The following AKAP13 variants were observed in gnomAD, a reference collection of about 807,000 sequenced individuals.
The protein encoded by AKAP13 is A-kinase anchor protein 13.
A neutral mutation model predicts 264.5 loss-of-function variants in AKAP13; 80 were observed. The observed-to-expected ratio is 0.30, with a 90% CI of 0.25 to 0.36. AKAP13 has a LOEUF of 0.36. Among genes scored for constraint, AKAP13 ranks in the 10% least tolerant of loss-of-function variants. The pLI, the probability that AKAP13 is intolerant of heterozygous loss-of-function variation, is 1.00. For missense variants in AKAP13, 3,712 were observed against 3,435.2 expected (o/e 1.08, Z -2.01); for synonymous variants, 1,380 against 1,250.2 (o/e 1.10, Z -2.19).
intron 5 of AKAP13, among the ~76,000 whole-genome samples, chr15:85,547,361 C>G (rs1056342584): frequency 8.7e-5 from 13 of 148,934 alleles, no homozygotes; most frequent in Admixed American, 1.3e-4. Flanking sequence ...GGCCCAAGTT[C>G]TTTTTGTGTT....
intron 12 of AKAP13, among the ~76,000 whole-genome samples, chr15:85,663,513 C>T (rs974976191): frequency 1.3e-5 from 2 of 152,114 alleles, no homozygotes; most frequent in African/African-American, 2.4e-5. Context: ...AAAGCAAATA[C>T]AAGTCCTGGA....
At position 85,645,972 on chromosome 15, in the gene AKAP13, CT is replaced by C; in HGVS notation, c.4374+21del. On this transcript the variant is annotated intron_variant, in intron 10 of 36. Coordinates refer to ENST00000394518, the MANE Select transcript of AKAP13 (RefSeq NM_007200.5). ...TCCCAAAGGTACTGTGTGGACCTTC[CT>C]TTCATTTTTGTCACACGGCTTTTGT... 6.3e-7 allele frequency: 1 copy of C among 1,597,392 alleles called. No homozygotes were observed. Among genetic ancestry groups the C allele is most frequent in the Non-Finnish European group, 8.5e-7 (1 of 1,175,468 alleles).
At chr15:85,422,106 A>G (rs2072551787) in intron 1 of AKAP13, among the ~76,000 whole-genome samples, 2 of 152,194 alleles carry the variant, frequency 1.3e-5, no homozygotes, top group South Asian at 4.2e-4. Flanking sequence ...ATCCAGAGTC[A>G]TTTGAATAAT....
At position 85,410,926 on chromosome 15, in the gene AKAP13, TG is replaced by T. The variant is rs562145748; in HGVS notation, c.-12+30129del. ...AAATGTTCTGTCCCCTTTAGTTCCTTGTAGTAGTAATCATGACTTGTACTCT... is the reference window on the plus strand; with the variant it reads ...AAATGTTCTGTCCCCTTTAGTTCCTTTAGTAGTAATCATGACTTGTACTCT... On this transcript the variant is annotated intron_variant, in intron 1 of 36. Transcript: ENST00000394518. 7.8e-4 allele frequency among the ~76,000 whole-genome samples: 116 copies of T among 148,944 alleles called. 3 individuals carry two copies. Among genetic ancestry groups the T allele is most frequent in the African/African-American group, 2.8e-3 (108 of 38,400 alleles).
rs766283731 is a variant in AKAP13 at position 85,619,429 on chromosome 15, A to G, written c.4162-19945A>G. ...ACTCTGCTGTCCTTAGAGATTTTCA[A>G]CTTAAATCAAAACCAAGCCCTACTG... is the stretch of plus-strand genomic sequence containing the variant. On this transcript the variant is annotated intron_variant, in intron 8 of 36. Coordinates refer to ENST00000394518, the MANE Select transcript of AKAP13 (RefSeq NM_007200.5). The G allele has an allele frequency of 1.7e-5, 17 of 985,232 alleles. No homozygotes were observed. The Admixed American group carries it at 1.8e-4, about 11-fold the overall frequency. 61.0% of individuals were successfully genotyped at this position (985,232 alleles called of 1,614,324 possible).
At chr15:85,392,605 C>T (rs918217161) in intron 1 of AKAP13, among the ~76,000 whole-genome samples, 9 of 151,924 alleles carry the variant, frequency 5.9e-5, no homozygotes, top group Non-Finnish European at 1.0e-4. Context: ...GAGGTTTTGC[C>T]GTGTTGCCTA....
intron 20 of AKAP13, among the ~76,000 whole-genome samples, chr15:85,716,958 G>A (rs2086986896): frequency 6.6e-6 from 1 of 152,216 alleles, no homozygotes; most frequent in African/African-American, 2.4e-5. Context: ...AGAAAAAACA[G>A]TGTATTGGTT....
At chr15:85,433,096 C>T (rs1438712349) in intron 1 of AKAP13, among the ~76,000 whole-genome samples, 1 of 146,096 alleles carries the variant, frequency 6.8e-6, no homozygotes, top group African/African-American at 2.5e-5. Context: ...CCCCCTTTAA[C>T]ACTGTGTTCC....
chr15:85,666,297 T>G (rs1023904274), intron 13 of AKAP13, among the ~76,000 whole-genome samples: 1 of 152,232 alleles, frequency 6.6e-6, no homozygotes, highest in Admixed American at 6.5e-5. Flanking sequence ...CATTTTTTCA[T>G]GTGTCTGTTG....
intron 2 of AKAP13, among the ~76,000 whole-genome samples, chr15:85,490,430 A>T (rs1271236878): frequency 6.6e-6 from 1 of 152,174 alleles, no homozygotes; most frequent in East Asian, 1.9e-4. Flanking sequence ...CAGAGCAAGG[A>T]AGTTGGTTTT....
At chr15:85,435,174 G>T (rs2073218891) in intron 1 of AKAP13, among the ~76,000 whole-genome samples, 2 of 146,252 alleles carry the variant, frequency 1.4e-5, no homozygotes, top group South Asian at 4.6e-4. Flanking sequence ...CGTGAAGAAT[G>T]CAGAAGCCTC....
chr15:85,713,715 T>G (rs1404859101), intron 19 of AKAP13, among the ~76,000 whole-genome samples: 1 of 152,206 alleles, frequency 6.6e-6, no homozygotes, highest in Non-Finnish European at 1.5e-5. Flanking sequence ...AATTGGAAAT[T>G]AATGATTATA....
chr15:85,633,258 T>G (rs761740795), intron 8 of AKAP13, among the ~76,000 whole-genome samples: 107 of 152,150 alleles, frequency 7.0e-4, no homozygotes, highest in Admixed American at 3.3e-4. Flanking sequence ...AGTAGTTCAT[T>G]TCCACATTCT....
chr15:85,415,508 G>C, intron 1 of AKAP13: 1 of 1,530,722 alleles, frequency 6.5e-7, no homozygotes. Context: ...ATGGTGCATT[G>C]GTTCAACATC....
At chr15:85,616,244 G>A (rs941492812) in intron 8 of AKAP13, among the ~76,000 whole-genome samples, 3 of 152,186 alleles carry the variant, frequency 2.0e-5, no homozygotes, top group Admixed American at 2.0e-4. Flanking sequence ...CTCCAGATGG[G>A]CTTCTGCCCT....
At chr15:85,434,346 A>G (rs2073169196) in intron 1 of AKAP13, among the ~76,000 whole-genome samples, 1 of 152,200 alleles carries the variant, frequency 6.6e-6, no homozygotes, top group Admixed American at 6.5e-5. Flanking sequence ...GCTGACTGCT[A>G]GCACAGCAGT....
chr15:85,559,181 A>G (rs1178312997), intron 5 of AKAP13, among the ~76,000 whole-genome samples: 11 of 152,174 alleles, frequency 7.2e-5, no homozygotes, highest in Admixed American at 6.5e-4. Flanking sequence ...TCTCAGCCTC[A>G]CTAAGTGGCG....
At chr15:85,626,149 G>C (rs2151432600) in intron 8 of AKAP13, among the ~76,000 whole-genome samples, 1 of 152,304 alleles carries the variant, frequency 6.6e-6, no homozygotes, top group East Asian at 1.9e-4. Flanking sequence ...GTCTGGCCCA[G>C]ATTACTGGCT....
intron 8 of AKAP13, among the ~76,000 whole-genome samples, chr15:85,616,329 G>A (rs1477534299): frequency 6.6e-6 from 1 of 152,206 alleles, no homozygotes; most frequent in East Asian, 1.9e-4. Flanking sequence ...AGATCTTGTA[G>A]TTAAGTAAAT....
Sources: allele counts gnomAD v4.1 joint callset (sites outside exome capture counted in the v4.1 genomes callset), GRCh38; gene constraint gnomAD v4.1.1; transcripts MANE v1.5; gene names NCBI Gene and HGNC (gene_info 2026-07-23, HGNC 2026-07-21).